The following SLC6A6 variants were observed in gnomAD, a reference collection of about 807,000 sequenced individuals.
The protein encoded by SLC6A6 is sodium- and chloride-dependent taurine transporter.
Under a neutral mutation model 68.8 loss-of-function variants are expected in SLC6A6, and 16 were observed. That is an observed-to-expected ratio of 0.23 (90% CI 0.16 to 0.35). The LOEUF is 0.35. SLC6A6 is among the 10% of genes least tolerant of loss of function. SLC6A6 has a pLI of 1.00. For synonymous variants in SLC6A6, 312 were observed against 315.4 expected (o/e 0.99, Z 0.12); for missense variants, 474 against 802.8 (o/e 0.59, Z 4.95).
chr3:14,468,594 G>T lies in SLC6A6; in HGVS notation c.1096+382G>T, dbSNP rs1316780014. On this transcript the variant is annotated intron_variant, in intron 9 of 14. Coordinates refer to ENST00000622186, the MANE Select transcript of SLC6A6 (RefSeq NM_003043.6). The surrounding 1 kb of genome is among the most constrained non-coding windows in gnomAD (Gnocchi z 4.5). ...TCGGCATTCCATCACCACCTTCTCA[G>T]CCTTGGTTTCTGTATTTTGCACTTT... Among the ~76,000 whole-genome samples, 2 of 151,918 alleles carry T rather than the reference G, an allele frequency of 1.3e-5. No individual in the cohort carries two copies. The highest frequency in any genetic ancestry group is 6.6e-5 in the Admixed American group (1 of 15,252).
At chr3:14,483,194 GAA>G (rs1354296042) in intron 14 of SLC6A6, among the ~76,000 whole-genome samples, 1 of 152,160 alleles carries the variant, frequency 6.6e-6, no homozygotes, top group African/African-American at 2.4e-5. Flanking sequence ...TGGCATGGGG[GAA>G]AGAGGTGGGG....
intron 2 of SLC6A6, among the ~76,000 whole-genome samples, chr3:14,430,509 A>C (rs4685159): frequency 0.53 from 80,559 of 151,714 alleles, 21,440 homozygotes; most frequent in South Asian, 0.6. Context: ...GCACGTAGGA[A>C]GACCACAGTT....
chr3:14,408,043 A>T (rs1282313736), intron 1 of SLC6A6, among the ~76,000 whole-genome samples: 1 of 151,978 alleles, frequency 6.6e-6, no homozygotes, highest in Non-Finnish European at 1.5e-5. Context: ...GGTTGTTTCC[A>T]GCTGGGGGGC....
intron 6 of SLC6A6, among the ~76,000 whole-genome samples, chr3:14,462,838 C>T (rs546857623): frequency 3.3e-5 from 5 of 152,144 alleles, no homozygotes; most frequent in African/African-American, 7.2e-5. Context: ...TGTGTACACA[C>T]GGTGGAGGAA....
chr3:14,467,981 G>A (rs772809486), intron 8 of SLC6A6, 25 bp downstream of exon 8: 5 of 1,608,240 alleles, frequency 3.1e-6, no homozygotes, highest in Non-Finnish European at 3.4e-6. Context: ...GGCGGGCCTG[G>A]TGGACTTTAG....
intron 2 of SLC6A6, among the ~76,000 whole-genome samples, chr3:14,442,106 T>G (rs1323078176): frequency 6.6e-6 from 1 of 152,170 alleles, no homozygotes. Flanking sequence ...CAGGGTGTGG[T>G]CGTGTGACAA....
At chr3:14,459,723 C>T (rs1354385131) in intron 6 of SLC6A6, among the ~76,000 whole-genome samples, 1 of 152,090 alleles carries the variant, frequency 6.6e-6, no homozygotes, top group Non-Finnish European at 1.5e-5. Context: ...TGAGAAAACT[C>T]AGGCTTAGGG....
intron 5 of SLC6A6, among the ~76,000 whole-genome samples, chr3:14,453,240 C>T (rs1212915848): frequency 6.6e-6 from 1 of 152,238 alleles, no homozygotes; most frequent in East Asian, 1.9e-4. Flanking sequence ...AGCAGGGCGG[C>T]CGACTCAAAA....
At chr3:14,467,240 C>G (rs886523022) in intron 7 of SLC6A6, among the ~76,000 whole-genome samples, 2 of 152,206 alleles carry the variant, frequency 1.3e-5, no homozygotes, top group African/African-American at 4.8e-5. Flanking sequence ...CTCTCCTTCC[C>G]CACCACCCTT....
rs9816168 is a variant in SLC6A6, at chr3:14,439,240, A to G, written c.-11-4384A>G. Among the ~76,000 whole-genome samples the G allele has an allele frequency of 8.0e-3, 1,221 of 152,352 alleles. 14 individuals are homozygous for G. Among genetic ancestry groups the G allele is most frequent in the African/African-American group, 0.027 (1,140 of 41,570 alleles). On this transcript the variant is annotated intron_variant, in intron 2 of 14. Coordinates refer to ENST00000622186, the MANE Select transcript of SLC6A6 (RefSeq NM_003043.6). ...CTGCTCGCTTCCCTGCGTGAGCCTC[A>G]GCTTCCTTTATCTATAAACTACCAA...
intron 2 of SLC6A6, among the ~76,000 whole-genome samples, chr3:14,433,802 CAAAAAAAAA>C (rs67806643): frequency 1.3e-5 from 1 of 77,508 alleles, no homozygotes; most frequent in African/African-American, 4.9e-5. Context: ...GACTCTGTCT[CAAAAAAAAA>C]AAAAAAAAAA....
intron 6 of SLC6A6, 33 bp from the exon 7 acceptor site, chr3:14,466,483 C>T: frequency 6.3e-7 from 1 of 1,592,430 alleles, no homozygotes. Flanking sequence ...CAAGTGATGC[C>T]CATGGCCTCC....
At chr3:14,427,544 C>T (rs954069464) in intron 2 of SLC6A6, among the ~76,000 whole-genome samples, 3 of 152,178 alleles carry the variant, frequency 2.0e-5, no homozygotes, top group African/African-American at 7.2e-5. Flanking sequence ...ATCTGTCATT[C>T]AATAATGCCT....
intron 2 of SLC6A6, among the ~76,000 whole-genome samples, chr3:14,425,653 GAC>G (rs1198173572): frequency 3.9e-5 from 5 of 128,022 alleles, no homozygotes; most frequent in Non-Finnish European, 7.9e-5. Context: ...TGCAGTGGGT[GAC>G]ACACTTTGCA....
chr3:14,486,716 C>T lies in SLC6A6; in HGVS notation c.*1709C>T, dbSNP rs972140797. The T allele has an allele frequency of 2.0e-5, 3 of 152,606 alleles. No individual in the cohort carries two copies. Among genetic ancestry groups the T allele is most frequent in the Non-Finnish European group, 2.9e-5 (2 of 68,048 alleles). The allele number at this position is 152,606 out of a possible 1,614,324, so 9.5% of individuals were successfully genotyped here. On this transcript the variant is annotated 3_prime_UTR_variant, in exon 15 of 15. Coordinates refer to ENST00000622186, the MANE Select transcript of SLC6A6 (RefSeq NM_003043.6). ...AGTCACTGCCTCGAGGGGTGCAGAC[C>T]GCAGAATTTTCACAGCAGGGGCTCT...
intron 6 of SLC6A6, 132 bp downstream of exon 6, chr3:14,458,214 C>G: frequency 1.3e-6 from 1 of 769,986 alleles, no homozygotes; most frequent in South Asian, 1.6e-5. Context: ...GGTAAGCCCG[C>G]CCTCTGGAAA....
At chr3:14,415,411 G>A (rs1699340561) in intron 1 of SLC6A6, among the ~76,000 whole-genome samples, 1 of 152,180 alleles carries the variant, frequency 6.6e-6, no homozygotes, top group South Asian at 2.1e-4. Flanking sequence ...GGCTGCCAGG[G>A]CAGGGCTACA....
At chr3:14,417,675 C>G (rs1017979381) in intron 2 of SLC6A6, among the ~76,000 whole-genome samples, 1 of 149,892 alleles carries the variant, frequency 6.7e-6, no homozygotes, top group Admixed American at 6.7e-5. Flanking sequence ...GAGCTTGCAG[C>G]GAGCCGCGAT....
chr3:14,444,899 C>CA (rs1471476858), intron 3 of SLC6A6: 495 of 454,248 alleles, frequency 1.1e-3, no homozygotes, highest in Non-Finnish European at 1.7e-3. Context: ...TTTGCCCCCC[C>CA]ATTCTTCCCC....
Sources: allele counts gnomAD v4.1 joint callset (sites outside exome capture counted in the v4.1 genomes callset), GRCh38; gene constraint gnomAD v4.1.1; non-coding constraint Gnocchi (gnomAD v3.1); transcripts MANE v1.5; gene names NCBI Gene and HGNC (gene_info 2026-07-23, HGNC 2026-07-21).